ATP10B: variants seen among roughly 807,000 people sequenced by gnomAD.
The protein encoded by ATP10B is ATPase phospholipid transporting 10B (putative).
A neutral mutation model predicts 141.2 loss-of-function variants in ATP10B; 122 were observed. That is an observed-to-expected ratio of 0.86 (90% CI 0.75 to 1.00). ATP10B has a LOEUF of 1.00. Ranked by LOEUF, ATP10B falls within the 50% of genes least tolerant of loss-of-function variation. ATP10B has a pLI of 0.00. For synonymous variants in ATP10B, 685 were observed against 692.0 expected (o/e 0.99, Z 0.16); for missense variants, 1,876 against 1,825.3 (o/e 1.03, Z -0.51).
the ATP10B span, among the ~76,000 whole-genome samples, chr5:160,907,141 G>T: frequency 1.3e-5 from 2 of 152,120 alleles, no homozygotes; most frequent in African/African-American, 2.4e-5. Context: ...TGTAATTCCT[G>T]CCATGGAGCC....
chr5:160,745,772 C>A (rs1293947348), intron 2 of ATP10B, among the ~76,000 whole-genome samples: 1 of 152,198 alleles, frequency 6.6e-6, no homozygotes, highest in Non-Finnish European at 1.5e-5. Flanking sequence ...ATGTTACTCA[C>A]CCAGGTTCAC....
intron 24 of ATP10B, among the ~76,000 whole-genome samples, chr5:160,582,896 C>T (rs762135155): frequency 6.6e-6 from 1 of 152,164 alleles, no homozygotes; most frequent in Non-Finnish European, 1.5e-5. Context: ...GTATGCTTCA[C>T]AAAGTTCCCA....
In ATP10B at chr5:160,680,780, C is replaced by CCTA. The variant is rs1415099698; in HGVS notation, c.470+5298_470+5299insTAG. Among the ~76,000 whole-genome samples the CCTA allele has an allele frequency of 1.5e-4, 23 of 152,338 alleles. 1 individual carries two copies. In the East Asian group the frequency reaches 4.2e-3, roughly 28 times the overall value. ...TGGCTCAGGTATAACCTAGTTAGTA[C>CCTA]AATCCCATCTCTTGCCCCTAGGGAT... is the stretch of plus-strand genomic sequence containing the variant. On this transcript the variant is annotated intron_variant, in intron 6 of 25. Coordinates refer to ENST00000327245, the MANE Select transcript of ATP10B (RefSeq NM_025153.3).
At chr5:160,622,029 G>A (rs557751750) in intron 14 of ATP10B, among the ~76,000 whole-genome samples, 9 of 152,282 alleles carry the variant, frequency 5.9e-5, no homozygotes, top group African/African-American at 2.2e-4. Context: ...CTAAGGTCCT[G>A]CCTCATAGAG....
intron 1 of ATP10B, among the ~76,000 whole-genome samples, chr5:160,819,573 T>G (rs1421426216): frequency 6.6e-6 from 1 of 152,168 alleles, no homozygotes; most frequent in Non-Finnish European, 1.5e-5. Context: ...ACTCTTATCT[T>G]AAGCAGAAAG....
intron 7 of ATP10B, among the ~76,000 whole-genome samples, chr5:160,664,219 C>T (rs1762171805): frequency 6.6e-6 from 1 of 152,180 alleles, no homozygotes; most frequent in Admixed American, 6.5e-5. Context: ...GAGGAACTTT[C>T]TCTGGTTCTC....
intron 2 of ATP10B, among the ~76,000 whole-genome samples, chr5:160,733,783 CAG>C (rs1373179908): frequency 6.6e-6 from 1 of 151,524 alleles, no homozygotes; most frequent in African/African-American, 2.4e-5. Context: ...AAAATCAACT[CAG>C]AATTATATAA....
chr5:160,760,647 G>A (rs898804962), intron 2 of ATP10B, among the ~76,000 whole-genome samples: 1 of 152,226 alleles, frequency 6.6e-6, no homozygotes, highest in Non-Finnish European at 1.5e-5. Flanking sequence ...CTGCTTGCCA[G>A]CTGCTTGGAT....
intron 12 of ATP10B, chr5:160,632,851 T>G (rs1759039859): frequency 1.3e-5 from 2 of 152,932 alleles, no homozygotes; most frequent in Admixed American, 1.3e-4. Context: ...TCCCTCACAC[T>G]CAAAAGAATG....
chr5:160,654,289 A>T (rs1307067236), intron 7 of ATP10B, among the ~76,000 whole-genome samples: 2 of 151,936 alleles, frequency 1.3e-5, no homozygotes, highest in Non-Finnish European at 2.9e-5. Flanking sequence ...AACCTTGTTC[A>T]GGAGTTTCTG....
At chr5:160,642,452 T>G (rs767849528) in intron 9 of ATP10B, among the ~76,000 whole-genome samples, 1 of 152,092 alleles carries the variant, frequency 6.6e-6, no homozygotes, top group Non-Finnish European at 1.5e-5. Flanking sequence ...TTCTGGACCA[T>G]TGCTCTCACC....
the ATP10B span, among the ~76,000 whole-genome samples, chr5:160,910,686 G>A: frequency 6.6e-6 from 1 of 152,268 alleles, no homozygotes; most frequent in East Asian, 1.9e-4. Flanking sequence ...TTGAGGCTAT[G>A]AAAAGGGGAA....
At chr5:160,886,851 C>T in the ATP10B span, among the ~76,000 whole-genome samples, 1 of 152,116 alleles carries the variant, frequency 6.6e-6, no homozygotes, top group Admixed American at 6.5e-5. Context: ...AAGCACAAGG[C>T]ACATTTGATG....
chr5:160,678,682 C>T (rs2127736040), intron 6 of ATP10B, among the ~76,000 whole-genome samples: 1 of 152,216 alleles, frequency 6.6e-6, no homozygotes, highest in Admixed American at 6.5e-5. Flanking sequence ...TTACTTAGTA[C>T]TACTTATGGT....
At chr5:160,606,286 GCCT>G (rs1371219596) in intron 19 of ATP10B, among the ~76,000 whole-genome samples, 24 of 152,124 alleles carry the variant, frequency 1.6e-4, no homozygotes, top group African/African-American at 5.8e-4. Flanking sequence ...CTTTGTGCTG[GCCT>G]CCTATTTAGA....
intron 2 of ATP10B, among the ~76,000 whole-genome samples, chr5:160,763,253 A>G (rs1481896906): frequency 6.6e-6 from 1 of 152,174 alleles, no homozygotes; most frequent in Non-Finnish European, 1.5e-5. Flanking sequence ...GCAACTGCAG[A>G]ATATACATTC....
intron 2 of ATP10B, among the ~76,000 whole-genome samples, chr5:160,773,010 C>T (rs1770019351): frequency 6.6e-6 from 1 of 152,190 alleles, no homozygotes; most frequent in African/African-American, 2.4e-5. Context: ...TTTTGTTGTG[C>T]TGACTCAGCA....
chr5:160,842,697 C>A (rs1014439844), intron 1 of ATP10B, among the ~76,000 whole-genome samples: 1 of 151,806 alleles, frequency 6.6e-6, no homozygotes, highest in Non-Finnish European at 1.5e-5. Flanking sequence ...AATAATAATT[C>A]TTCTAGGATA....
At chr5:160,840,433 G>C (rs1581636213) in intron 1 of ATP10B, among the ~76,000 whole-genome samples, 1 of 151,892 alleles carries the variant, frequency 6.6e-6, no homozygotes, top group Non-Finnish European at 1.5e-5. Context: ...ATATTAAAAA[G>C]GTTGTATCTC....
Sources: allele counts gnomAD v4.1 joint callset (sites outside exome capture counted in the v4.1 genomes callset), GRCh38; gene constraint gnomAD v4.1.1; transcripts MANE v1.5; gene names NCBI Gene and HGNC (gene_info 2026-07-23, HGNC 2026-07-21).